PPP2R2A: variants seen among roughly 807,000 people sequenced by gnomAD.
PPP2R2A encodes the protein protein phosphatase 2 regulatory subunit Balpha.
Under a neutral mutation model 53.2 loss-of-function variants are expected in PPP2R2A, and 9 were observed. The observed-to-expected ratio is 0.17, with a 90% confidence interval of 0.10 to 0.30. PPP2R2A has a LOEUF of 0.30. Among genes scored for constraint, PPP2R2A ranks in the 10% least tolerant of loss-of-function variants. The pLI is 1.00. For missense variants in PPP2R2A, 235 were observed against 534.6 expected (o/e 0.44, Z 5.53); for synonymous variants, 169 against 174.2 (o/e 0.97, Z 0.23).
At chr8:26,333,821 A>G (rs2117309640) in intron 2 of PPP2R2A, among the ~76,000 whole-genome samples, 1 of 152,266 alleles carries the variant, frequency 6.6e-6, no homozygotes, top group African/African-American at 2.4e-5. Flanking sequence ...TGTCATTCCC[A>G]CTACCAATTG....
chr8:26,334,931 G>C (rs1803579872), intron 2 of PPP2R2A, among the ~76,000 whole-genome samples: 2 of 152,168 alleles, frequency 1.3e-5, no homozygotes, highest in East Asian at 3.8e-4. Flanking sequence ...TTTGGGTGTA[G>C]CATGAAATGG....
chr8:26,295,051 T>G (rs12676354), intron 2 of PPP2R2A, among the ~76,000 whole-genome samples: 35,676 of 152,172 alleles, frequency 0.23, 5,192 homozygotes, highest in Non-Finnish European at 0.32. Context: ...ATGTTGTAAC[T>G]ACATTACCTG....
chr8:26,312,569 AAATG>A (rs1228225615), intron 2 of PPP2R2A, among the ~76,000 whole-genome samples: 4 of 152,270 alleles, frequency 2.6e-5, no homozygotes, highest in Non-Finnish European at 5.9e-5. Flanking sequence ...TTTCTTCTGT[AAATG>A]AATAAAATAC....
rs775061875 is a variant in PPP2R2A at position 26,354,479 on chromosome 8, G to T, written c.192G>T (p.Gln64His). 7.2e-6 allele frequency: 11 copies of T among 1,536,816 alleles called. No individual in the cohort carries two copies. The Middle Eastern group carries it at 1.0e-3, about 145-fold the overall frequency. Residue 64 changes from glutamine (Q) to histidine (H), a missense_variant, in exon 4 of 10, where the codon CAG becomes CAT. Coordinates refer to ENST00000380737, the MANE Select transcript of PPP2R2A (RefSeq NM_002717.4). This position sits in a 1 kb window ranked among gnomAD's most constrained non-coding sequence, Gnocchi z 4.6. ...TGTTTTCATTTTAGAACAAAATCCA[G>T]TCTCATAGCAGAGGAGAATATAATG... ...IFQQEQENKI[Q>H]SHSRGEYNVY...
At chr8:26,365,430 A>C (rs1805321804) in intron 8 of PPP2R2A, 1 of 152,194 alleles carries the variant, frequency 6.6e-6, no homozygotes, top group Non-Finnish European at 1.5e-5. Flanking sequence ...ATTTAAAGTT[A>C]AAATAGACAC....
intron 2 of PPP2R2A, among the ~76,000 whole-genome samples, chr8:26,313,047 T>C (rs571190511): frequency 1.3e-5 from 2 of 151,694 alleles, no homozygotes; most frequent in South Asian, 2.1e-4. Context: ...TTTTTTCTTT[T>C]TTTTTTTTTG....
intron 2 of PPP2R2A, among the ~76,000 whole-genome samples, chr8:26,315,549 A>G (rs1802509575): frequency 6.6e-6 from 1 of 152,124 alleles, no homozygotes; most frequent in South Asian, 2.1e-4. Flanking sequence ...CAGAAGGTAA[A>G]TGTGTTCTCT....
At chr8:26,313,059 G>T (rs1315111900) in intron 2 of PPP2R2A, among the ~76,000 whole-genome samples, 8 of 142,896 alleles carry the variant, frequency 5.6e-5, no homozygotes, top group Non-Finnish European at 7.6e-5. Context: ...TTTTTTTTGA[G>T]ATGAAATCTT....
intron 4 of PPP2R2A, chr8:26,359,081 T>G (rs1339568544): frequency 2.7e-6 from 1 of 368,046 alleles, no homozygotes; most frequent in Non-Finnish European, 5.7e-6. Flanking sequence ...CTGTGAGAAG[T>G]CACTTCATCT....
At chr8:26,319,123 G>A (rs1802706067) in intron 2 of PPP2R2A, among the ~76,000 whole-genome samples, 1 of 152,102 alleles carries the variant, frequency 6.6e-6, no homozygotes, top group African/African-American at 2.4e-5. Context: ...TTTGTCTTTT[G>A]TGACTGTTAT....
At chr8:26,341,172 TTAAG>T (rs1371707086) in intron 3 of PPP2R2A, among the ~76,000 whole-genome samples, 2 of 152,304 alleles carry the variant, frequency 1.3e-5, no homozygotes, top group South Asian at 2.1e-4. Context: ...AAGTGATAGA[TTAAG>T]TAAAGATGAT....
At chr8:26,312,282 C>G (rs1165665042) in intron 2 of PPP2R2A, among the ~76,000 whole-genome samples, 1 of 152,214 alleles carries the variant, frequency 6.6e-6, no homozygotes, top group Non-Finnish European at 1.5e-5. Context: ...CAACACTTCT[C>G]TAGCTTTATG....
chr8:26,355,387 G>A (rs1804721445), intron 4 of PPP2R2A, among the ~76,000 whole-genome samples: 2 of 152,144 alleles, frequency 1.3e-5, no homozygotes, highest in Admixed American at 1.3e-4. Context: ...CCACAGGTGA[G>A]TGCCACCACA....
intron 2 of PPP2R2A, among the ~76,000 whole-genome samples, chr8:26,335,021 C>T (rs984401765): frequency 6.6e-6 from 1 of 152,148 alleles, no homozygotes; most frequent in Non-Finnish European, 1.5e-5. Context: ...TTGTATGGCA[C>T]ACTGGGATAC....
chr8:26,310,947 C>T (rs1376333289), intron 2 of PPP2R2A, among the ~76,000 whole-genome samples: 1 of 152,042 alleles, frequency 6.6e-6, no homozygotes, highest in Non-Finnish European at 1.5e-5. Context: ...CTGAATCATA[C>T]ATTGTAGTGG....
At chr8:26,332,184 T>C (rs1264442432) in intron 2 of PPP2R2A, among the ~76,000 whole-genome samples, 2 of 151,716 alleles carry the variant, frequency 1.3e-5, no homozygotes, top group Non-Finnish European at 2.9e-5. Context: ...TGAAAGCCTG[T>C]CTCTACTAAA....
chr8:26,332,666 G>A (rs1271789444), intron 2 of PPP2R2A, among the ~76,000 whole-genome samples: 2 of 152,146 alleles, frequency 1.3e-5, no homozygotes, highest in East Asian at 1.9e-4. Flanking sequence ...TTTAGAATGT[G>A]TATCACCCAG....
At chr8:26,303,593 A>T (rs1563283736) in intron 2 of PPP2R2A, among the ~76,000 whole-genome samples, 1 of 152,206 alleles carries the variant, frequency 6.6e-6, no homozygotes, top group African/African-American at 2.4e-5. Flanking sequence ...AGTGAACAAC[A>T]TAATTATATT....
Position 26,354,718 on chromosome 8 carries a change from A to G in PPP2R2A, c.346+85A>G, listed in dbSNP as rs1804683556. 3.3e-6 allele frequency: 4 copies of G among 1,221,610 alleles called. No individual in the cohort carries two copies. The allele number at this position is 1,221,610 out of a possible 1,614,324, so 75.7% of individuals were successfully genotyped here. A position where few individuals can be genotyped will look rare whatever the true frequency, so the allele number is the denominator to read the frequency against. ...TAGCCTAGGAGAGGAATCATTTAAC[A>G]GAGATACTTGTAAAAAGGACTTTTG... On this transcript the variant is annotated intron_variant, in intron 4 of 9. Transcript: ENST00000380737. The surrounding 1 kb of genome is among the most constrained non-coding windows in gnomAD (Gnocchi z 4.6).
Sources: allele counts gnomAD v4.1 joint callset (sites outside exome capture counted in the v4.1 genomes callset), GRCh38; gene constraint gnomAD v4.1.1; non-coding constraint Gnocchi (gnomAD v3.1); transcripts MANE v1.5; gene names NCBI Gene and HGNC (gene_info 2026-07-23, HGNC 2026-07-21).